Variants in KIF1A observed in about 807,000 individuals in gnomAD.
KIF1A encodes the protein kinesin family member 1A.
Under a neutral mutation model 227.3 loss-of-function variants are expected in KIF1A, and 46 were observed. The observed-to-expected ratio is 0.20, with a 90% CI of 0.16 to 0.26. The LOEUF (loss-of-function observed/expected upper bound fraction) is 0.26, where lower values mean the gene tolerates loss of function less well. Among genes scored for constraint, KIF1A ranks in the 10% least tolerant of loss-of-function variants. KIF1A has a pLI of 1.00. For synonymous variants in KIF1A, 1,022 were observed against 1,012.8 expected (o/e 1.01, Z -0.17); for missense variants, 1,683 against 2,485.9 (o/e 0.68, Z 6.87).
rs975405256 is a variant in KIF1A, at chr2:240,791,193, C to T, written c.107-1881G>A. On this transcript the variant is annotated intron_variant, in intron 2 of 48. Coordinates refer to ENST00000498729, the MANE Select transcript of KIF1A (RefSeq NM_001244008.2). ...GAGCAGAGGCAGAGAGAAGGCCAAG[C>T]TGTCCCGACTTCAGCGCCTGCCGGG... Among the ~76,000 whole-genome samples the T allele has an allele frequency of 2.6e-5, 4 of 152,264 alleles. No individual in the cohort carries two copies. In the East Asian group the frequency reaches 7.7e-4, roughly 29 times the overall value.
chr2:240,782,501 G>A, intron 10 of KIF1A, 89 bp downstream of exon 10: 1 of 1,382,706 alleles, frequency 7.2e-7, no homozygotes, highest in South Asian at 1.3e-5. Context: ...CTCACTGCCC[G>A]CCCCGCCCCT....
At chr2:240,743,884 G>T (rs759966884) in intron 33 of KIF1A, 58 bp downstream of exon 33, 100 of 1,160,720 alleles carry the variant, frequency 8.6e-5, no homozygotes, top group Non-Finnish European at 1.2e-4. Context: ...TGGATGAAAA[G>T]ATCTGGGCAG....
chr2:240,723,557 C>T lies in KIF1A; in HGVS notation c.4320G>A (p.Gly1440=). 1 of 1,534,116 alleles carries T rather than the reference C, an allele frequency of 6.5e-7. No homozygotes were observed. The highest frequency in any genetic ancestry group is 1.2e-5 in the South Asian group (1 of 83,288). Residue 1440 remains glycine, a splice_region_variant and synonymous_variant, in exon 42 of 49, where the codon GGG becomes GGA. Coordinates refer to ENST00000498729, the MANE Select transcript of KIF1A (RefSeq NM_001244008.2). Reference sequence around the variant, plus strand: ...GGACTCGTCGGCGCCGGCGCTGCATCCCTGCATGGGGCACGTGGACATTCC... The same window carrying T: ...GGACTCGTCGGCGCCGGCGCTGCATTCCTGCATGGGGCACGTGGACATTCC... ...LCHVADAGSP[G]MQRRRRRVLD...
chr2:240,738,509 G>A (rs1442825276), intron 37 of KIF1A, among the ~76,000 whole-genome samples: 1 of 152,216 alleles, frequency 6.6e-6, no homozygotes, highest in Non-Finnish European at 1.5e-5. Flanking sequence ...GGTCCCAGGT[G>A]AGGAGCAGGA....
Position 240,741,372 on chromosome 2 carries a change from C to T in KIF1A, c.3646G>A (p.Ala1216Thr), listed in dbSNP as rs368057315. The T allele has an allele frequency of 7.6e-5, 120 of 1,569,532 alleles. No homozygotes were observed. The highest frequency in any genetic ancestry group is 9.1e-5 in the Non-Finnish European group (106 of 1,162,096). ...RVMPLSKPVP[A>T]TKLSTLTRPC... ...CGCGTCAGTGTGCTGAGCTTGGTGG[C>T]GGGCACTGTAGGGACAGGAGGGAGG... The change falls in exon 35 of 49, where the codon GCC becomes ACC. Residue 1216 changes from alanine to threonine, a missense_variant. Around this residue, in one of 12 missense-constraint regions of KIF1A, gnomAD observed 759 missense variants for 1,020.2 expected, o/e 0.74. Transcript: ENST00000498729.
At chr2:240,771,887 G>A (rs1450634535) in intron 14 of KIF1A, among the ~76,000 whole-genome samples, 1 of 152,180 alleles carries the variant, frequency 6.6e-6, no homozygotes, top group African/African-American at 2.4e-5. Flanking sequence ...TGAAGTGGGT[G>A]GTGCCAGGGG....
intron 2 of KIF1A, among the ~76,000 whole-genome samples, chr2:240,794,278 T>C (rs1205665037): frequency 1.3e-5 from 2 of 152,220 alleles, no homozygotes; most frequent in Non-Finnish European, 2.9e-5. Flanking sequence ...AAACCACCAC[T>C]GGTTTGCTTT....
intron 1 of KIF1A, among the ~76,000 whole-genome samples, chr2:240,813,468 C>T (rs1427388797): frequency 6.6e-6 from 1 of 152,168 alleles, no homozygotes; most frequent in Non-Finnish European, 1.5e-5. Context: ...AAGCCCGCAC[C>T]CCCAGCCCCG....
intron 16 of KIF1A, 114 bp from the exon 17 acceptor site, chr2:240,769,322 C>T: frequency 2.3e-6 from 2 of 861,716 alleles, no homozygotes; most frequent in Non-Finnish European, 3.7e-6. Context: ...CTGGGTGGTG[C>T]CCATGCGTGT....
At chr2:240,724,839 A>T in intron 40 of KIF1A, 1 of 164,670 alleles carries the variant, frequency 6.1e-6, no homozygotes, top group Admixed American at 7.2e-5. Flanking sequence ...CCTTCCAGCC[A>T]CCGCCCACTT....
In KIF1A at chr2:240,725,289, C is replaced by A; in HGVS notation, c.4238G>T (p.Ser1413Ile). 6.2e-7 allele frequency: 1 copy of A among 1,605,836 alleles called. No individual in the cohort carries two copies. The highest frequency in any genetic ancestry group is 1.7e-5 in the Admixed American group (1 of 59,060). The change falls in exon 40 of 49, where the codon AGC becomes ATC. Residue 1413 changes from serine to isoleucine, a missense_variant. Physicochemically the swap from Ser to Ile is moderately radical, Grantham distance 142. Coordinates refer to ENST00000498729, the MANE Select transcript of KIF1A (RefSeq NM_001244008.2). This position sits in a 1 kb window ranked among gnomAD's most constrained non-coding sequence, Gnocchi z 5.8. ...AGCTTACCTCTCTGAGGCCCGAAGG[C>A]TCCCACTGCCAAAGAGGTTGCGGAT... Reference protein sequence around the residue: ...RSIRNLFGSGSLRASESNRVT... With the variant: ...RSIRNLFGSGILRASESNRVT...
chr2:240,804,605 C>T (rs922161271), intron 1 of KIF1A, among the ~76,000 whole-genome samples: 1 of 152,082 alleles, frequency 6.6e-6, no homozygotes, highest in African/African-American at 2.4e-5. Flanking sequence ...AAATTGAATC[C>T]TTCAAAGCTA....
At chr2:240,742,702 G>T (rs559274824) in intron 34 of KIF1A, among the ~76,000 whole-genome samples, 2 of 152,114 alleles carry the variant, frequency 1.3e-5, no homozygotes, top group African/African-American at 4.8e-5. Context: ...TCCTTCCTTG[G>T]CTCCCCACAC....
At position 240,750,534 on chromosome 2, in the gene KIF1A, G is replaced by C; in HGVS notation, c.2872C>G (p.Leu958Val). 1.9e-6 allele frequency: 3 copies of C among 1,613,552 alleles called. No individual in the cohort carries two copies. The highest frequency in any genetic ancestry group is 2.2e-5 in the East Asian group (1 of 44,878). ...GGAACGGGGTACAGCAGGTTGCTCA[G>C]GTACACGAAGGCCCTGGGGAGAAGC... ...FSLVGRAFVY[L>V]SNLLYPVPLV... Residue 958 changes from leucine to valine, a missense_variant, in exon 28 of 49, where the codon CTG (leucine) becomes GTG (valine). Transcript: ENST00000498729.
rs186877291 is a variant in KIF1A, at chr2:240,794,341, G to A, written c.106+3306C>T. 5.8e-4 allele frequency among the ~76,000 whole-genome samples: 88 copies of A among 152,016 alleles called. 1 individual carries two copies. The highest frequency in any genetic ancestry group is 3.2e-4 in the Non-Finnish European group (22 of 68,000). ...GATTTTTCCTGATTATTCATTCTTC[G>A]GCCACTCTTTTCCCTCCCCCGCACC... On this transcript the variant is annotated intron_variant, in intron 2 of 48. Transcript: ENST00000498729.
intron 27 of KIF1A, among the ~76,000 whole-genome samples, chr2:240,750,984 G>A (rs1156894844): frequency 2.0e-5 from 3 of 152,134 alleles, no homozygotes; most frequent in African/African-American, 4.8e-5. Flanking sequence ...TGATGCTCAC[G>A]GACCCCGCAG....
At chr2:240,720,270 T>G in intron 45 of KIF1A, 2 of 200,622 alleles carry the variant, frequency 1.0e-5, no homozygotes, top group East Asian at 1.2e-4. Flanking sequence ...TCTCCACAAC[T>G]AGACTGAAGG....
chr2:240,761,171 A>G, intron 24 of KIF1A, 58 bp downstream of exon 24: 1 of 1,545,292 alleles, frequency 6.5e-7, no homozygotes. Flanking sequence ...TGTCCCCGTC[A>G]TGAGTGAGGT....
At chr2:240,811,122 G>C (rs1020738859) in intron 1 of KIF1A, among the ~76,000 whole-genome samples, 1 of 152,212 alleles carries the variant, frequency 6.6e-6, no homozygotes, top group Non-Finnish European at 1.5e-5. Context: ...AGCACTTTGG[G>C]AGGCCGAGGT....
Sources: allele counts gnomAD v4.1 joint callset (sites outside exome capture counted in the v4.1 genomes callset), GRCh38; gene constraint gnomAD v4.1.1; regional missense constraint gnomAD v4.1.1; non-coding constraint Gnocchi (gnomAD v3.1); transcripts MANE v1.5; gene names NCBI Gene and HGNC (gene_info 2026-07-23, HGNC 2026-07-21).